Variants in PALLD observed in about 807,000 individuals in gnomAD.
PALLD encodes palladin, cytoskeletal associated protein, also known as palladin.
Under a neutral mutation model 123.5 loss-of-function variants are expected in PALLD, and 61 were observed. The ratio of observed to expected loss-of-function variants is 0.49; its 90% confidence interval spans 0.40 to 0.61. The LOEUF is 0.61. PALLD is among the 20% of genes least tolerant of loss of function. PALLD has a pLI of 0.00. For synonymous variants in PALLD, 465 were observed against 496.4 expected (o/e 0.94, Z 0.84); for missense variants, 1,273 against 1,377.0 (o/e 0.92, Z 1.20).
intron 10 of PALLD, among the ~76,000 whole-genome samples, chr4:168,769,702 C>G (rs1175362392): frequency 6.6e-6 from 1 of 152,170 alleles, no homozygotes; most frequent in African/African-American, 2.4e-5. Flanking sequence ...CACATTGGGT[C>G]TCCCTCTGTG....
intron 3 of PALLD, among the ~76,000 whole-genome samples, chr4:168,672,178 C>T (rs1024796357): frequency 7.9e-5 from 12 of 152,148 alleles, no homozygotes; most frequent in African/African-American, 1.9e-4. Flanking sequence ...ATACATATTA[C>T]GTATAGTGAT....
chr4:168,589,897 C>A (rs1277241672), intron 2 of PALLD, among the ~76,000 whole-genome samples: 4 of 152,208 alleles, frequency 2.6e-5, no homozygotes. Flanking sequence ...CCTCATTTGG[C>A]CCCATGTCCA....
Position 168,905,790 on chromosome 4 carries a change from C to CT in PALLD, c.2622+1904dup, listed in dbSNP as rs59427697. 2.8e-3 allele frequency among the ~76,000 whole-genome samples: 322 copies of CT among 113,132 alleles called. 3 individuals carry two copies. The highest frequency in any genetic ancestry group is 5.4e-3 in the Middle Eastern group (1 of 186). The allele number at this position is 113,132 out of a possible 152,430, so 74.2% of individuals were successfully genotyped here. The stretch of plus-strand genomic sequence containing the variant: ...ACAAAAGCGGAACTTGCTTTTTTTT[C>CT]TTTTTTTTTTTTTTTTTTTTCTTTT... On this transcript the variant is annotated intron_variant, in intron 15 of 21. Transcript: ENST00000505667.
chr4:168,898,223 C>T (rs1475999278), intron 13 of PALLD: 1 of 483,990 alleles, frequency 2.1e-6, no homozygotes, highest in Non-Finnish European at 3.8e-6. Context: ...CCTTGTTTCC[C>T]CTCGCCTCAG....
intron 2 of PALLD, among the ~76,000 whole-genome samples, chr4:168,667,844 TA>T (rs1779803899): frequency 6.6e-6 from 1 of 152,228 alleles, no homozygotes; most frequent in East Asian, 1.9e-4. Flanking sequence ...ATAAGACTAA[TA>T]GATAAAATTG....
At chr4:168,832,469 G>C (rs1446584065) in intron 10 of PALLD, among the ~76,000 whole-genome samples, 1 of 152,110 alleles carries the variant, frequency 6.6e-6, no homozygotes, top group African/African-American at 2.4e-5. Context: ...GATCCCTCCC[G>C]CTCTCCTAAC....
At chr4:168,546,496 G>A (rs572848715) in intron 2 of PALLD, among the ~76,000 whole-genome samples, 160 of 152,228 alleles carry the variant, frequency 1.1e-3, no homozygotes, top group African/African-American at 2.8e-3. Context: ...GGTCCACAAA[G>A]CAAAGAACAG....
At chr4:168,631,359 T>TA (rs1215851611) in intron 2 of PALLD, among the ~76,000 whole-genome samples, 4 of 152,332 alleles carry the variant, frequency 2.6e-5, no homozygotes, top group African/African-American at 9.6e-5. Flanking sequence ...CAGAGGTCTT[T>TA]AGGGAATGCC....
intron 8 of PALLD, among the ~76,000 whole-genome samples, chr4:168,695,908 G>A (rs1024215579): frequency 6.6e-6 from 1 of 152,106 alleles, no homozygotes; most frequent in Non-Finnish European, 1.5e-5. Flanking sequence ...AGAGTCCCAT[G>A]AACCAAGAAA....
rs189976845 is a variant in PALLD, at chr4:168,657,999, C to T, written c.909-10191C>T. Among the ~76,000 whole-genome samples, 367 of 152,264 alleles carry T rather than the reference C, an allele frequency of 2.4e-3. 6 individuals carry two copies. The highest frequency in any genetic ancestry group is 0.022 in the Admixed American group (330 of 15,298). On this transcript the variant is annotated intron_variant, in intron 2 of 21. Transcript: ENST00000505667. ...GAGCTGTTCTCCTTTATCTTTCTTT[C>T]GCCTATTAAACCTTTGCTTCTAAAC...
intron 8 of PALLD, chr4:168,700,126 A>G: frequency 4.2e-6 from 1 of 240,186 alleles, no homozygotes; most frequent in Non-Finnish European, 8.6e-6. Context: ...ATAATGTCAG[A>G]ACCATACAAG....
chr4:168,681,245 TTTTA>T (rs1410418801), intron 3 of PALLD, 83 bp from the exon 4 acceptor site: 34 of 842,648 alleles, frequency 4.0e-5, no homozygotes, highest in Admixed American at 7.0e-5. Context: ...TTGTATGTTA[TTTTA>T]TTTAAGGGAA....
chr4:168,748,600 T>C (rs1730620611), intron 10 of PALLD, among the ~76,000 whole-genome samples: 1 of 152,190 alleles, frequency 6.6e-6, no homozygotes, highest in Non-Finnish European at 1.5e-5. Flanking sequence ...GTTAGCTGGG[T>C]CCTCTGCTTT....
At chr4:168,912,814 T>G (rs1383072910) in intron 15 of PALLD, among the ~76,000 whole-genome samples, 1 of 152,178 alleles carries the variant, frequency 6.6e-6, no homozygotes, top group East Asian at 1.9e-4. Context: ...TAAAACTTTT[T>G]CCTCCTATGT....
intron 10 of PALLD, among the ~76,000 whole-genome samples, chr4:168,719,374 C>T (rs766593584): frequency 7.3e-5 from 11 of 150,386 alleles, no homozygotes; most frequent in Non-Finnish European, 1.3e-4. Context: ...TCTCCTGCCT[C>T]AGCCTCCCAA....
At chr4:168,632,545 T>C (rs1303971211) in intron 2 of PALLD, among the ~76,000 whole-genome samples, 1 of 152,204 alleles carries the variant, frequency 6.6e-6, no homozygotes, top group Non-Finnish European at 1.5e-5. Flanking sequence ...GTTCTTTGTC[T>C]AACCAAATCC....
At chr4:168,601,777 G>T (rs1772684153) in intron 2 of PALLD, among the ~76,000 whole-genome samples, 1 of 152,116 alleles carries the variant, frequency 6.6e-6, no homozygotes, top group Non-Finnish European at 1.5e-5. Flanking sequence ...TGCTGGAAAA[G>T]AATATTTCAG....
chr4:168,878,040 T>A lies in PALLD; in HGVS notation c.1965-12882T>A, dbSNP rs1752027354. Reference sequence around the variant, plus strand: ...GCCTCCAGCCCCAGCTCGTCCAGCCTCCCGTCGCCCATGTCCCCGACGCCG... The same window carrying A: ...GCCTCCAGCCCCAGCTCGTCCAGCCACCCGTCGCCCATGTCCCCGACGCCG... On this transcript the variant is annotated intron_variant, in intron 10 of 21. Transcript: ENST00000505667. 2 of 1,486,814 alleles carry A rather than the reference T, an allele frequency of 1.3e-6. No individual in the cohort carries two copies. The highest frequency in any genetic ancestry group is 2.9e-5 in the East Asian group (1 of 34,922). 92.1% of individuals were successfully genotyped at this position (1,486,814 alleles called of 1,614,324 possible). A position where few individuals can be genotyped will look rare whatever the true frequency, so the allele number is the denominator to read the frequency against.
intron 10 of PALLD, among the ~76,000 whole-genome samples, chr4:168,737,728 T>TGACC (rs1242326264): frequency 6.6e-6 from 1 of 152,220 alleles, no homozygotes; most frequent in Non-Finnish European, 1.5e-5. Flanking sequence ...GTGTCTATGG[T>TGACC]GACCGTCTGT....
Sources: gnomAD v4.1 joint callset for allele counts (sites outside exome capture counted in the v4.1 genomes callset) on GRCh38, gnomAD v4.1.1 for gene constraint, MANE v1.5 for transcripts, NCBI Gene and HGNC (gene_info 2026-07-23, HGNC 2026-07-21) for gene names.